SOX5: variants seen among roughly 807,000 people sequenced by gnomAD.
SOX5 encodes the protein transcription factor SOX-5.
SOX5 carries 9 observed loss-of-function variants against 92.0 expected under a neutral mutation model. The observed-to-expected ratio is 0.10, with a 90% CI of 0.06 to 0.17. SOX5 has a LOEUF of 0.17. SOX5 is among the 10% of genes least tolerant of loss of function. The probability of loss-of-function intolerance (pLI) is 1.00; values close to 1 mark genes in which losing one functional copy is unlikely to be tolerated. For synonymous variants in SOX5, 344 were observed against 336.3 expected (o/e 1.02, Z -0.25); for missense variants, 642 against 944.5 (o/e 0.68, Z 4.20).
At chr12:24,148,717 GAAGA>G (rs368346773) in intron 4 of SOX5, among the ~76,000 whole-genome samples, 4 of 38,294 alleles carry the variant, frequency 1.0e-4, no homozygotes, top group Non-Finnish European at 2.2e-4. Context: ...AAAAAAAAAA[GAAGA>G]AAGAAAGAAA....
intron 10 of SOX5, among the ~76,000 whole-genome samples, chr12:23,570,274 G>A (rs1453207826): frequency 6.6e-6 from 1 of 151,978 alleles, no homozygotes; most frequent in African/African-American, 2.4e-5. Flanking sequence ...TTTTTTATCT[G>A]TGAAAGCTCA....
At chr12:24,105,474 G>A (rs1290960834) in intron 4 of SOX5, among the ~76,000 whole-genome samples, 1 of 152,064 alleles carries the variant, frequency 6.6e-6, no homozygotes, top group African/African-American at 2.4e-5. Flanking sequence ...TGGGTGGGTG[G>A]AGGTTGCAGT....
chr12:23,929,765 C>T (rs904343877), intron 1 of SOX5, among the ~76,000 whole-genome samples: 1 of 151,760 alleles, frequency 6.6e-6, no homozygotes, highest in Non-Finnish European at 1.5e-5. Flanking sequence ...ATTTTTAGAA[C>T]TACTACTTTT....
chr12:24,462,836 T>A (rs1045729376), intron 1 of SOX5, among the ~76,000 whole-genome samples: 3 of 152,230 alleles, frequency 2.0e-5, no homozygotes, highest in African/African-American at 7.2e-5. Context: ...TTGTTGGTAA[T>A]TTAAATGAGA....
intron 4 of SOX5, among the ~76,000 whole-genome samples, chr12:24,125,614 T>C (rs1949037463): frequency 6.6e-6 from 1 of 152,196 alleles, no homozygotes; most frequent in Non-Finnish European, 1.5e-5. Context: ...AGAAATCGTC[T>C]CTATGATGGT....
At chr12:24,056,356 T>A (rs184450071) in intron 4 of SOX5, among the ~76,000 whole-genome samples, 1 of 152,216 alleles carries the variant, frequency 6.6e-6, no homozygotes, top group African/African-American at 2.4e-5. Context: ...CATCACAAAA[T>A]AATTTCAACT....
chr12:24,048,194 C>T (rs181295559), intron 4 of SOX5, among the ~76,000 whole-genome samples: 274 of 152,228 alleles, frequency 1.8e-3, no homozygotes, highest in Non-Finnish European at 3.0e-3. Context: ...GTGTTATTAC[C>T]CTCATTTTAT....
At chr12:24,507,268 A>T (rs1171581891) in intron 1 of SOX5, among the ~76,000 whole-genome samples, 5 of 152,074 alleles carry the variant, frequency 3.3e-5, no homozygotes, top group African/African-American at 1.2e-4. Context: ...ATCAATGTTA[A>T]CATCCTAAAA....
At chr12:23,555,421 C>T (rs1020745381) in intron 11 of SOX5, among the ~76,000 whole-genome samples, 1 of 151,838 alleles carries the variant, frequency 6.6e-6, no homozygotes, top group South Asian at 2.1e-4. Context: ...ACACAAGACT[C>T]TCTGTTTGAA....
At chr12:23,535,283 C>T (rs1940101082) in intron 14 of SOX5, among the ~76,000 whole-genome samples, 1 of 152,098 alleles carries the variant, frequency 6.6e-6, no homozygotes, top group Non-Finnish European at 1.5e-5. Context: ...AACTTTACTG[C>T]CCAGAACACA....
intron 2 of SOX5, among the ~76,000 whole-genome samples, chr12:23,878,024 C>T (rs2096947667): frequency 6.6e-6 from 1 of 151,800 alleles, no homozygotes; most frequent in African/African-American, 2.4e-5. Flanking sequence ...ATACTTAATT[C>T]TTTTTTCCCA....
chr12:24,245,590 T>G (rs1938529423), intron 3 of SOX5, among the ~76,000 whole-genome samples: 1 of 152,054 alleles, frequency 6.6e-6, no homozygotes. Flanking sequence ...AAATCTGATT[T>G]GGGGTCTTTG....
intron 1 of SOX5, among the ~76,000 whole-genome samples, chr12:24,470,625 G>T (rs375539999): frequency 1.3e-5 from 2 of 152,234 alleles, no homozygotes. Context: ...GTGTGACTGC[G>T]ATTTCCTTAC....
chr12:24,017,979 T>C (rs189539420), intron 4 of SOX5, among the ~76,000 whole-genome samples: 73 of 152,338 alleles, frequency 4.8e-4, no homozygotes, highest in Admixed American at 1.6e-3. Context: ...TCTGCTCCCG[T>C]TAACTCAGGA....
intron 4 of SOX5, among the ~76,000 whole-genome samples, chr12:24,079,688 TACAG>T (rs763450424): frequency 1.7e-4 from 26 of 151,926 alleles, no homozygotes; most frequent in African/African-American, 3.6e-4. Context: ...AGTATCAATA[TACAG>T]ACAAAGTATC....
At chr12:23,789,743 A>G (rs2141936698) in intron 3 of SOX5, among the ~76,000 whole-genome samples, 1 of 152,310 alleles carries the variant, frequency 6.6e-6, no homozygotes, top group South Asian at 2.1e-4. Context: ...AAAAGGTAAT[A>G]GAACACAAAA....
chr12:24,372,840 G>A (rs1424417417), intron 1 of SOX5, among the ~76,000 whole-genome samples: 1 of 151,942 alleles, frequency 6.6e-6, no homozygotes, highest in Non-Finnish European at 1.5e-5. Context: ...ACTTGGGGAT[G>A]GGTGCAGTGG....
chr12:24,024,974 A>G (rs535317227), intron 4 of SOX5, among the ~76,000 whole-genome samples: 2 of 152,204 alleles, frequency 1.3e-5, no homozygotes, highest in South Asian at 2.1e-4. Flanking sequence ...GACTACTAAA[A>G]TAAGTGATGA....
intron 5 of SOX5, among the ~76,000 whole-genome samples, chr12:23,737,320 C>T (rs916485277): frequency 3.3e-5 from 5 of 151,994 alleles, no homozygotes; most frequent in East Asian, 3.9e-4. Flanking sequence ...GTGGGCAGAT[C>T]GCAAGGTCAG....
Sources: gnomAD v4.1 joint callset for allele counts (sites outside exome capture counted in the v4.1 genomes callset) on GRCh38, gnomAD v4.1.1 for gene constraint, MANE v1.5 for transcripts, NCBI Gene and HGNC (gene_info 2026-07-23, HGNC 2026-07-21) for gene names.